Variants in CYTH3 observed in about 807,000 individuals in gnomAD.
CYTH3 encodes the protein cytohesin-3.
Under a neutral mutation model 55.1 loss-of-function variants are expected in CYTH3, and 23 were observed. That is an observed-to-expected ratio of 0.42 (90% confidence interval 0.30 to 0.59). The LOEUF (loss-of-function observed/expected upper bound fraction) is 0.59. Among genes scored for constraint, CYTH3 ranks in the 20% least tolerant of loss-of-function variants. The probability of loss-of-function intolerance (pLI) is 0.20; values close to 1 mark genes in which losing one functional copy is unlikely to be tolerated. For synonymous variants in CYTH3, 249 were observed against 194.9 expected, an observed-to-expected ratio of 1.28 and a Z score of -2.31; for missense variants, 413 against 524.8, an observed-to-expected ratio of 0.79 and a Z score of 2.08.
Position 6,165,010 on chromosome 7 carries a change from A to T in CYTH3, c.1134T>A (p.Ser378Arg). 11 of 1,614,170 alleles carry T rather than the reference A, an allele frequency of 6.8e-6. No individual in the cohort carries two copies. Among genetic ancestry groups the T allele is most frequent in the Non-Finnish European group, 9.3e-6 (11 of 1,180,020 alleles). Residue 378 changes from serine to arginine, a missense_variant, in exon 13 of 13, where the codon AGT becomes AGA. By Grantham distance (110) the Ser-to-Arg change is moderately radical. This residue lies in a region of CYTH3 where 98 missense variants were observed against 115.2 expected (regional missense o/e 0.85). Transcript: ENST00000350796. ...TGTCATAGAAGGGATCTCTGCTGAT[A>T]CTGGCTCTGGTGAAAAAAGGAAAAC... is the stretch of plus-strand genomic sequence containing the variant. ...KEEWMKSIKA[S>R]ISRDPFYDML...
chr7:6,197,745 A>G (rs2128545980), intron 1 of CYTH3, among the ~76,000 whole-genome samples: 1 of 152,332 alleles, frequency 6.6e-6, no homozygotes, highest in Non-Finnish European at 1.5e-5. Context: ...TTGATCCATT[A>G]TCCATTTTAC....
chr7:6,215,661 A>T (rs6959408), intron 1 of CYTH3, among the ~76,000 whole-genome samples: 2,580 of 152,196 alleles, frequency 0.017, 69 homozygotes, highest in African/African-American at 0.058. Flanking sequence ...ATAGGTGAAA[A>T]CTTCTTCTCA....
chr7:6,199,291 A>C (rs927238120), intron 1 of CYTH3, among the ~76,000 whole-genome samples: 2 of 152,138 alleles, frequency 1.3e-5, no homozygotes, highest in African/African-American at 2.4e-5. Flanking sequence ...TTAAGTGTGG[A>C]CCTTCTGCTT....
chr7:6,172,972 T>G (rs144190390), intron 6 of CYTH3: 2 of 1,122,004 alleles, frequency 1.8e-6, no homozygotes, highest in African/African-American at 3.3e-5. Context: ...GCCGAAGATT[T>G]GAGAAGATGA....
Position 6,165,264 on chromosome 7 carries a change from C to T in CYTH3, c.1127+9G>A, listed in dbSNP as rs1228296595. 2 of 1,606,988 alleles carry T rather than the reference C, an allele frequency of 1.2e-6. No homozygotes were observed. Among genetic ancestry groups the T allele is most frequent in the Non-Finnish European group, 1.7e-6 (2 of 1,176,348 alleles). On this transcript the variant is annotated intron_variant, in intron 12 of 12. Transcript: ENST00000350796. ...ACGGGCCTGGCCCCGCCCCCGAGGC[C>T]CCACTCACTTGATGGATTTCATCCA...
At chr7:6,252,853 T>C (rs1780009581) in intron 1 of CYTH3, among the ~76,000 whole-genome samples, 1 of 152,182 alleles carries the variant, frequency 6.6e-6, no homozygotes, top group African/African-American at 2.4e-5. Flanking sequence ...TATAAAACCA[T>C]GGCCAAATAT....
intron 1 of CYTH3, among the ~76,000 whole-genome samples, chr7:6,209,738 A>G (rs1275592734): frequency 6.6e-6 from 1 of 152,208 alleles, no homozygotes; most frequent in Non-Finnish European, 1.5e-5. Context: ...TGACTCGATA[A>G]ACTATGATGC....
intron 1 of CYTH3, among the ~76,000 whole-genome samples, chr7:6,250,133 C>A (rs1331351183): frequency 6.6e-6 from 1 of 152,146 alleles, no homozygotes; most frequent in Non-Finnish European, 1.5e-5. Flanking sequence ...GAAGTAGACT[C>A]TTCACGCTTC....
chr7:6,176,453 A>G (rs902675692), intron 5 of CYTH3, among the ~76,000 whole-genome samples: 6 of 151,512 alleles, frequency 4.0e-5, no homozygotes, highest in Admixed American at 1.3e-4. Flanking sequence ...AGTAGAGGTG[A>G]GGTTTCACCA....
intron 1 of CYTH3, among the ~76,000 whole-genome samples, chr7:6,207,834 C>T (rs1032609399): frequency 6.6e-6 from 1 of 151,002 alleles, no homozygotes; most frequent in African/African-American, 2.4e-5. Context: ...CCTGTAATCC[C>T]AGCTACTTGG....
In CYTH3 at chr7:6,190,445, T is replaced by C; in HGVS notation, c.117+4A>G. ...GATTTTTGGTTTTTTTTTTTTTTTT[T>C]TACCTCAATGTCATCAATAAGTTCC... On this transcript the variant is annotated splice_donor_region_variant and intron_variant, in intron 2 of 12. Transcript: ENST00000350796. 6.7e-7 allele frequency: 1 copy of C among 1,482,798 alleles called. No homozygotes were observed. The highest frequency in any genetic ancestry group is 1.3e-5 in the South Asian group (1 of 74,110). The allele number at this position is 1,482,798 out of a possible 1,614,324, so 91.9% of individuals were successfully genotyped here.
chr7:6,248,002 G>C (rs1204028793), intron 1 of CYTH3, among the ~76,000 whole-genome samples: 3 of 151,542 alleles, frequency 2.0e-5, no homozygotes, highest in African/African-American at 7.3e-5. Flanking sequence ...TTTTCAGCTT[G>C]GCCTGTTGCT....
intron 1 of CYTH3, among the ~76,000 whole-genome samples, chr7:6,227,617 T>TAAA (rs1779288945): frequency 6.6e-6 from 1 of 152,212 alleles, no homozygotes; most frequent in Non-Finnish European, 1.5e-5. Flanking sequence ...CAAAAGGCTT[T>TAAA]AGGCAGCTTT....
chr7:6,266,666 T>A (rs1217507927), intron 1 of CYTH3, among the ~76,000 whole-genome samples: 1 of 152,140 alleles, frequency 6.6e-6, no homozygotes, highest in East Asian at 1.9e-4. Flanking sequence ...CCCCTATAGA[T>A]TGCACCTCGA....
intron 4 of CYTH3, among the ~76,000 whole-genome samples, chr7:6,185,115 C>T (rs1562884602): frequency 1.3e-5 from 2 of 152,156 alleles, no homozygotes; most frequent in Non-Finnish European, 2.9e-5. Flanking sequence ...AAGCTGTTAC[C>T]CAAAATATCA....
At chr7:6,262,142 T>C (rs1449980757) in intron 1 of CYTH3, among the ~76,000 whole-genome samples, 3 of 151,062 alleles carry the variant, frequency 2.0e-5, no homozygotes, top group African/African-American at 7.3e-5. Context: ...AGATACAGAG[T>C]GAACGATGGA....
At chr7:6,206,705 C>T (rs1030191309) in intron 1 of CYTH3, among the ~76,000 whole-genome samples, 1 of 152,138 alleles carries the variant, frequency 6.6e-6, no homozygotes, top group African/African-American at 2.4e-5. Flanking sequence ...ACTGAAATAG[C>T]ATTCTAAGAA....
At chr7:6,221,141 C>T (rs1051903532) in intron 1 of CYTH3, among the ~76,000 whole-genome samples, 13 of 152,130 alleles carry the variant, frequency 8.5e-5, no homozygotes, top group Non-Finnish European at 7.3e-5. Context: ...TATCCTAAGA[C>T]TGGAAACAAC....
intron 1 of CYTH3, among the ~76,000 whole-genome samples, chr7:6,234,705 T>C (rs1779472980): frequency 6.6e-6 from 1 of 152,142 alleles, no homozygotes; most frequent in Admixed American, 6.5e-5. Context: ...GCTGTAGCTC[T>C]AGGGCCCTCC....
Sources: gnomAD v4.1 joint callset for allele counts (sites outside exome capture counted in the v4.1 genomes callset) on GRCh38, gnomAD v4.1.1 for gene constraint, gnomAD v4.1.1 regional missense constraint, MANE v1.5 for transcripts, NCBI Gene and HGNC (gene_info 2026-07-23, HGNC 2026-07-21) for gene names.